The following IGSF9B variants were observed in gnomAD, a reference collection of about 807,000 sequenced individuals.
IGSF9B encodes immunoglobulin superfamily member 9B.
A neutral mutation model predicts 143.7 loss-of-function variants in IGSF9B; 48 were observed. That is an observed-to-expected ratio of 0.33 (90% confidence interval 0.26 to 0.42). IGSF9B has a LOEUF of 0.42. Among genes scored for constraint, IGSF9B ranks in the 20% least tolerant of loss-of-function variants. IGSF9B has a pLI of 1.00. For synonymous variants in IGSF9B, 903 were observed against 833.1 expected (o/e 1.08, Z -1.44); for missense variants, 1,706 against 1,980.0 (o/e 0.86, Z 2.63).
rs779738856 is a variant in IGSF9B, at chr11:133,908,170, G to A, written c.*899C>T. Among the ~76,000 whole-genome samples the A allele has an allele frequency of 5.9e-5, 9 of 152,208 alleles. No homozygotes were observed. Among genetic ancestry groups the A allele is most frequent in the Admixed American group, 2.6e-4 (4 of 15,284 alleles). On this transcript the variant is annotated 3_prime_UTR_variant, in exon 20 of 20. Coordinates refer to ENST00000533871, the MANE Select transcript of IGSF9B (RefSeq NM_001277285.4). ...GGATGCGCTGGACATGTGCACCAGA[G>A]GCTTGCTTTAGCCCCGCGGCTGAGT... is the stretch of plus-strand genomic sequence containing the variant.
At position 133,931,028 on chromosome 11, in the gene IGSF9B, T is replaced by C. The variant is rs746140469; in HGVS notation, c.1475A>G (p.Asn492Ser). ...DHGEWECVAT[N>S]VVTSITASTH... is the part of the protein sequence containing the mutation. ...GCTGGCAGTGATGCTCGTGACCACG[T>C]TGGTGGCGACACATTCCCACTCCCC... Residue 492 changes from asparagine to serine, a missense_variant, in exon 11 of 20, where the codon AAC becomes AGC. Asn to Ser is a conservative substitution (Grantham distance 46, BLOSUM62 1). Coordinates refer to ENST00000533871, the MANE Select transcript of IGSF9B (RefSeq NM_001277285.4). This position sits in a 1 kb window ranked among gnomAD's most constrained non-coding sequence, Gnocchi z 7.7. 1 of 1,613,470 alleles carries C rather than the reference T, an allele frequency of 6.2e-7. No individual in the cohort carries two copies. Among genetic ancestry groups the C allele is most frequent in the South Asian group, 1.1e-5 (1 of 91,060 alleles).
chr11:133,955,802 C>G (rs956305048), intron 1 of IGSF9B, among the ~76,000 whole-genome samples: 3 of 152,192 alleles, frequency 2.0e-5, no homozygotes, highest in African/African-American at 7.2e-5. Flanking sequence ...GGTGGCTCCC[C>G]CCTTGCGTCT....
chr11:133,929,643 T>C (rs774422278), intron 12 of IGSF9B, 28 bp downstream of exon 12: 4 of 1,501,974 alleles, frequency 2.7e-6, no homozygotes, highest in South Asian at 1.1e-5. Flanking sequence ...GAGCAAAGCA[T>C]GCCGGGGTGA....
At position 133,913,832 on chromosome 11, in the gene IGSF9B, A is replaced by G. The variant is rs114952082; in HGVS notation, c.3984-1825T>C. 1.1e-3 allele frequency among the ~76,000 whole-genome samples: 160 copies of G among 152,330 alleles called. No individual in the cohort carries two copies. Among genetic ancestry groups the G allele is most frequent in the African/African-American group, 3.8e-3 (156 of 41,580 alleles). On this transcript the variant is annotated intron_variant, in intron 18 of 19. Coordinates refer to ENST00000533871, the MANE Select transcript of IGSF9B (RefSeq NM_001277285.4). This position sits in a 1 kb window ranked among gnomAD's most constrained non-coding sequence, Gnocchi z 4.6. The stretch of plus-strand genomic sequence containing the variant: ...TCTCATCCTCAACTGAGGCTTCTTC[A>G]TGCTGCCTAGAAGGAAAGTTAATGT...
chr11:133,911,231 C>T (rs924976413), intron 19 of IGSF9B, among the ~76,000 whole-genome samples: 9 of 152,306 alleles, frequency 5.9e-5, no homozygotes, highest in Middle Eastern at 3.4e-3. Flanking sequence ...GGGCTAAATT[C>T]GTTTTGCACT....
At chr11:133,926,031 C>G (rs79221925) in intron 13 of IGSF9B, 66 bp from the exon 14 acceptor site, 6 of 1,168,870 alleles carry the variant, frequency 5.1e-6, no homozygotes, top group Admixed American at 2.0e-5. Context: ...CCGCACCCCC[C>G]ACACTCCTGT....
chr11:133,914,600 T>C (rs1939348835), intron 18 of IGSF9B, among the ~76,000 whole-genome samples: 1 of 152,112 alleles, frequency 6.6e-6, no homozygotes, highest in Non-Finnish European at 1.5e-5. Flanking sequence ...GCTCCAGCCC[T>C]TCCGGGACAC....
At chr11:133,937,778 C>T in intron 4 of IGSF9B, 32 bp downstream of exon 4, 2 of 1,598,504 alleles carry the variant, frequency 1.3e-6, no homozygotes, top group Non-Finnish European at 8.5e-7. Context: ...GGGGAAGAGA[C>T]CGCAGCGGCC....
At chr11:133,916,821 C>A (rs567956447) in intron 18 of IGSF9B, among the ~76,000 whole-genome samples, 1 of 152,226 alleles carries the variant, frequency 6.6e-6, no homozygotes, top group African/African-American at 2.4e-5. Flanking sequence ...GGAGGAGTCA[C>A]AGCTGGGACA....
In IGSF9B at chr11:133,933,080, C is replaced by T. The variant is rs527886537; in HGVS notation, c.968-867G>A. On this transcript the variant is annotated intron_variant, in intron 7 of 19. Coordinates refer to ENST00000533871, the MANE Select transcript of IGSF9B (RefSeq NM_001277285.4). The stretch of plus-strand genomic sequence containing the variant: ...GAATCCAGGCCGGAGGCAGCCCATG[C>T]ACCAGCCCAGGTGCTCAGAACTTCT... Among the ~76,000 whole-genome samples the T allele has an allele frequency of 2.0e-4, 31 of 152,294 alleles. 1 individual carries two copies. The highest frequency in any genetic ancestry group is 1.2e-3 in the Admixed American group (19 of 15,306).
At position 133,931,244 on chromosome 11, in the gene IGSF9B, C is replaced by A; in HGVS notation, c.1369-110G>T. 1 of 1,171,136 alleles carries A rather than the reference C, an allele frequency of 8.5e-7. No homozygotes were observed. The highest frequency in any genetic ancestry group is 1.4e-5 in the South Asian group (1 of 69,790). The allele number at this position is 1,171,136 out of a possible 1,614,324, so 72.5% of individuals were successfully genotyped here. ...TGAGACCCCGGCCCGCCCACGCTGCCCTCCTCCCGAGTGCCTGCCGCTCTT... is the reference window on the plus strand; with the variant it reads ...TGAGACCCCGGCCCGCCCACGCTGCACTCCTCCCGAGTGCCTGCCGCTCTT... On this transcript the variant is annotated intron_variant, in intron 10 of 19. Coordinates refer to ENST00000533871, the MANE Select transcript of IGSF9B (RefSeq NM_001277285.4). The surrounding 1 kb of genome is among the most constrained non-coding windows in gnomAD (Gnocchi z 7.7).
chr11:133,918,931 G>C (rs995403395), intron 18 of IGSF9B: 4 of 461,806 alleles, frequency 8.7e-6, no homozygotes, highest in African/African-American at 8.0e-5. Context: ...ACTGACTGGA[G>C]AAGGAAGGAG....
chr11:133,937,687 G>A (rs1939850628), intron 4 of IGSF9B, 123 bp downstream of exon 4: 1 of 1,274,952 alleles, frequency 7.8e-7, no homozygotes, highest in Non-Finnish European at 1.1e-6. Flanking sequence ...GCTGAGCCAG[G>A]CTACGGCTTT....
rs1460728422 is a variant in IGSF9B at position 133,927,003 on chromosome 11, G to C, written c.1720C>G (p.Pro574Ala). ...PSWLLVDTLE[P>A]ETAYQFSVLA... ...ACGCTGAACTGGTACGCTGTCTCAG[G>C]CTCCAGGGTGTCCACCAGCAGCCAG... is the stretch of plus-strand genomic sequence containing the variant. Residue 574 changes from proline to alanine, a missense_variant, in exon 13 of 20, where the codon CCT (proline) becomes GCT (alanine). Physicochemically the swap from Pro to Ala is conservative, Grantham distance 27. This residue lies in a region of IGSF9B where 267 missense variants were observed against 321.1 expected (regional missense o/e 0.83). Coordinates refer to ENST00000533871, the MANE Select transcript of IGSF9B (RefSeq NM_001277285.4). The C allele has an allele frequency of 6.3e-7, 1 of 1,580,290 alleles. No homozygotes were observed. The highest frequency in any genetic ancestry group is 1.4e-5 in the African/African-American group (1 of 74,068).
chr11:133,923,873 GCAAGCTCT>G (rs1939582388), intron 15 of IGSF9B, among the ~76,000 whole-genome samples: 1 of 152,250 alleles, frequency 6.6e-6, no homozygotes, highest in Non-Finnish European at 1.5e-5. Flanking sequence ...AGCCTTGGAT[GCAAGCTCT>G]CATCCCTGTT....
At chr11:133,954,593 T>G (rs1940217869) in intron 1 of IGSF9B, among the ~76,000 whole-genome samples, 1 of 152,222 alleles carries the variant, frequency 6.6e-6, no homozygotes, top group African/African-American at 2.4e-5. Context: ...ATAACACTCA[T>G]GTCCACCTAA....
Position 133,920,280 on chromosome 11 carries a change from A to T in IGSF9B, c.3445T>A (p.Tyr1149Asn), listed in dbSNP as rs773145029. 1 of 1,529,066 alleles carries T rather than the reference A, an allele frequency of 6.5e-7. No individual in the cohort carries two copies. The highest frequency in any genetic ancestry group is 1.3e-5 in the South Asian group (1 of 78,420). 94.7% of individuals were successfully genotyped at this position (1,529,066 alleles called of 1,614,324 possible). Residue 1149 changes from tyrosine to asparagine, a missense_variant, in exon 18 of 20, where the codon TAC (tyrosine) becomes AAC (asparagine). This residue lies in a region of IGSF9B where 880 missense variants were observed against 762.9 expected (regional missense o/e 1.15). Coordinates refer to ENST00000533871, the MANE Select transcript of IGSF9B (RefSeq NM_001277285.4). ...SQGMGIPVLP[Y>N]PEPAEPGAHG... is the part of the protein sequence containing the mutation. The stretch of plus-strand genomic sequence containing the variant: ...GCCCCCGGCTCAGCCGGCTCGGGGT[A>T]AGGCAGCACAGGTATGCCCATGCCT...
At chr11:133,918,261 T>C (rs1939431618) in intron 18 of IGSF9B, among the ~76,000 whole-genome samples, 1 of 150,382 alleles carries the variant, frequency 6.6e-6, no homozygotes, top group Non-Finnish European at 1.5e-5. Flanking sequence ...CCTTACCTAT[T>C]GAGCTGAGGA....
intron 3 of IGSF9B, among the ~76,000 whole-genome samples, chr11:133,938,418 G>A (rs1005752078): frequency 3.3e-5 from 5 of 152,142 alleles, no homozygotes; most frequent in Admixed American, 2.0e-4. Context: ...CCAAGGCTAC[G>A]CGGAACCTCA....
Sources: gnomAD v4.1 joint callset for allele counts (sites outside exome capture counted in the v4.1 genomes callset) on GRCh38, gnomAD v4.1.1 for gene constraint, gnomAD v4.1.1 regional missense constraint, Gnocchi (gnomAD v3.1) non-coding constraint, MANE v1.5 for transcripts, NCBI Gene and HGNC (gene_info 2026-07-23, HGNC 2026-07-21) for gene names.